Variants in DAP observed in about 807,000 individuals in gnomAD.
DAP encodes death-associated protein 1.
In DAP, 8 loss-of-function variants were observed where a neutral mutation model predicts 13.8. That is an observed-to-expected ratio of 0.58 (90% CI 0.34 to 1.05). The LOEUF is 1.05. Ranked by LOEUF, DAP falls within the 50% of genes least tolerant of loss-of-function variation. The pLI is 0.03. For missense variants in DAP, 106 were observed against 133.2 expected, an observed-to-expected ratio of 0.80 and a Z score of 1.01; for synonymous variants, 47 against 47.5, an observed-to-expected ratio of 0.99 and a Z score of 0.04.
At chr5:10,689,933 CAG>C (rs1261754188) in intron 2 of DAP, among the ~76,000 whole-genome samples, 2 of 152,160 alleles carry the variant, frequency 1.3e-5, no homozygotes, top group Non-Finnish European at 2.9e-5. Context: ...ACAACCAAAA[CAG>C]TGTGCATTCC....
At chr5:10,719,157 C>T (rs1202873792) in intron 2 of DAP, among the ~76,000 whole-genome samples, 1 of 152,238 alleles carries the variant, frequency 6.6e-6, no homozygotes, top group East Asian at 1.9e-4. Context: ...TTGGCCCCTC[C>T]TGCAACCAAG....
intron 2 of DAP, among the ~76,000 whole-genome samples, chr5:10,705,894 A>G (rs1561014295): frequency 6.6e-6 from 1 of 152,240 alleles, no homozygotes; most frequent in Non-Finnish European, 1.5e-5. Flanking sequence ...GCCATAAAAA[A>G]AGTGACATTC....
At chr5:10,754,828 C>T (rs1421693775) in intron 1 of DAP, among the ~76,000 whole-genome samples, 1 of 152,186 alleles carries the variant, frequency 6.6e-6, no homozygotes, top group Non-Finnish European at 1.5e-5. Flanking sequence ...CCAGCTTCCC[C>T]GTAGTTGGAT....
At chr5:10,690,664 T>A (rs953935710) in intron 2 of DAP, among the ~76,000 whole-genome samples, 1 of 152,202 alleles carries the variant, frequency 6.6e-6, no homozygotes, top group African/African-American at 2.4e-5. Flanking sequence ...CATTCCACTG[T>A]ACAGACAGAC....
rs370687092 is a variant in DAP, at chr5:10,748,220, G to A, written c.107C>T (p.Thr36Ile). The change falls in exon 2 of 4, where the codon ACC becomes ATC. Residue 36 changes from threonine to isoleucine, a missense_variant. Coordinates refer to ENST00000230895, the MANE Select transcript of DAP (RefSeq NM_004394.3). Reference protein sequence around the residue: ...IVQKHPHTGDTKEEKDKDDQE... With the variant: ...IVQKHPHTGDIKEEKDKDDQE... Reference sequence around the variant, plus strand: ...GTCATCCTTGTCTTTCTCTTCTTTGGTGTCTCCTGTATGTGGGTGTTTCTG... The same window carrying A: ...GTCATCCTTGTCTTTCTCTTCTTTGATGTCTCCTGTATGTGGGTGTTTCTG... The A allele has an allele frequency of 1.9e-6, 3 of 1,614,072 alleles. No individual in the cohort carries two copies. Among genetic ancestry groups the A allele is most frequent in the African/African-American group, 2.7e-5 (2 of 75,030 alleles).
intron 2 of DAP, among the ~76,000 whole-genome samples, chr5:10,721,423 C>G (rs1739137866): frequency 1.3e-5 from 2 of 151,964 alleles, no homozygotes; most frequent in African/African-American, 2.4e-5. Context: ...ACACTTTGGG[C>G]TCTTATTACC....
intron 2 of DAP, among the ~76,000 whole-genome samples, chr5:10,733,452 T>G (rs767035705): frequency 1.3e-5 from 2 of 152,202 alleles, no homozygotes; most frequent in Non-Finnish European, 2.9e-5. Context: ...TTCTGGATCT[T>G]TAGCAAAATC....
At chr5:10,715,854 G>T (rs1338248896) in intron 2 of DAP, among the ~76,000 whole-genome samples, 48 of 152,174 alleles carry the variant, frequency 3.2e-4, no homozygotes, top group Non-Finnish European at 1.3e-4. Context: ...TGCTTTCTTT[G>T]CATGTCAGCT....
chr5:10,754,666 A>T (rs1352786871), intron 1 of DAP, among the ~76,000 whole-genome samples: 1 of 152,200 alleles, frequency 6.6e-6, no homozygotes, highest in Non-Finnish European at 1.5e-5. Context: ...TGGGAGGTAC[A>T]TGGAGCAGCT....
intron 2 of DAP, among the ~76,000 whole-genome samples, chr5:10,722,569 CATACATACAT>C (rs1739175795): frequency 1.4e-5 from 2 of 145,560 alleles, no homozygotes; most frequent in African/African-American, 5.2e-5. Flanking sequence ...CATATATATA[CATACATACAT>C]ATATATACAT....
chr5:10,730,259 A>T (rs1164200214), intron 2 of DAP, among the ~76,000 whole-genome samples: 1 of 152,238 alleles, frequency 6.6e-6, no homozygotes, highest in East Asian at 1.9e-4. Context: ...ACTTACAGAC[A>T]TCAGGGGAAT....
At chr5:10,703,562 A>C (rs1738631841) in intron 2 of DAP, among the ~76,000 whole-genome samples, 1 of 152,250 alleles carries the variant, frequency 6.6e-6, no homozygotes, top group Non-Finnish European at 1.5e-5. Flanking sequence ...TCTTTACTCT[A>C]ACAATTAAAA....
chr5:10,728,927 C>G (rs1212708044), intron 2 of DAP, among the ~76,000 whole-genome samples: 4 of 152,154 alleles, frequency 2.6e-5, no homozygotes, highest in Non-Finnish European at 4.4e-5. Context: ...GATGCTGTTC[C>G]CCCAACCAGT....
At chr5:10,710,065 G>C (rs1043711819) in intron 2 of DAP, among the ~76,000 whole-genome samples, 2 of 152,194 alleles carry the variant, frequency 1.3e-5, no homozygotes, top group African/African-American at 4.8e-5. Flanking sequence ...CACATAAAGG[G>C]GCTGCCTGGG....
chr5:10,761,088 G>A lies in DAP; in HGVS notation c.-20C>T. On this transcript the variant is annotated 5_prime_UTR_variant, in exon 1 of 4. Transcript: ENST00000230895. ...AGACATGACGCGGCGGGGCTTCCGC[G>A]GGGCCGAGGCGGCGGCGCGGTTCTC... 5 of 1,205,100 alleles carry A rather than the reference G, an allele frequency of 4.1e-6. No homozygotes were observed. Among genetic ancestry groups the A allele is most frequent in the Non-Finnish European group, 5.2e-6 (5 of 958,696 alleles). The allele number at this position is 1,205,100 out of a possible 1,614,324, so 74.7% of individuals were successfully genotyped here.
intron 2 of DAP, among the ~76,000 whole-genome samples, chr5:10,721,157 T>C (rs1273479131): frequency 1.3e-5 from 2 of 152,176 alleles, no homozygotes; most frequent in Admixed American, 6.5e-5. Flanking sequence ...CAAAAGGCTG[T>C]GTATGCTCTC....
intron 2 of DAP, among the ~76,000 whole-genome samples, chr5:10,745,497 T>C (rs1224762499): frequency 6.6e-6 from 1 of 152,180 alleles, no homozygotes; most frequent in African/African-American, 2.4e-5. Flanking sequence ...ATCTTTAAGG[T>C]AAATAAGATG....
chr5:10,688,642 C>T (rs181253054), intron 2 of DAP, among the ~76,000 whole-genome samples: 199 of 151,874 alleles, frequency 1.3e-3, no homozygotes, highest in African/African-American at 4.1e-3. Flanking sequence ...TATTACTGTA[C>T]GTGTGTATTT....
At chr5:10,727,273 T>C (rs1485109506) in intron 2 of DAP, among the ~76,000 whole-genome samples, 1 of 152,012 alleles carries the variant, frequency 6.6e-6, no homozygotes, top group Middle Eastern at 3.2e-3. Context: ...CGGGGGAGCT[T>C]GTAGTCTGAG....
Sources: allele counts gnomAD v4.1 joint callset (sites outside exome capture counted in the v4.1 genomes callset), GRCh38; gene constraint gnomAD v4.1.1; transcripts MANE v1.5; gene names NCBI Gene and HGNC (gene_info 2026-07-23, HGNC 2026-07-21).